Variants in VIRMA observed in about 807,000 individuals in gnomAD.
VIRMA encodes vir like m6A methyltransferase associated.
VIRMA carries 65 observed loss-of-function variants against 182.4 expected under a neutral mutation model. That is an observed-to-expected ratio of 0.36 (90% confidence interval 0.29 to 0.44). VIRMA has a LOEUF of 0.44. Ranked by LOEUF, VIRMA falls within the 20% of genes least tolerant of loss-of-function variation. VIRMA has a pLI of 1.00. For synonymous variants in VIRMA, 709 were observed against 743.1 expected, an observed-to-expected ratio of 0.95 and a Z score of 0.75; for missense variants, 1,752 against 2,158.1, an observed-to-expected ratio of 0.81 and a Z score of 3.73.
At position 94,488,864 on chromosome 8, in the gene VIRMA, T is replaced by TA; in HGVS notation, c.5285-5dup. The TA allele has an allele frequency of 6.2e-7, 1 of 1,610,684 alleles. No homozygotes were observed. Among genetic ancestry groups the TA allele is most frequent in the Admixed American group, 1.7e-5 (1 of 59,248 alleles). ...TCCCGAGGACTTGGGCGGTAACCTG[T>TA]AAAAGAAAGAATACAGTTTTTAGTT... On this transcript the variant is annotated splice_polypyrimidine_tract_variant and splice_region_variant and intron_variant, in intron 23 of 23. Coordinates refer to ENST00000297591, the MANE Select transcript of VIRMA (RefSeq NM_015496.5).
chr8:94,496,105 C>T (rs985161401), intron 18 of VIRMA: 4 of 613,920 alleles, frequency 6.5e-6, no homozygotes, highest in Non-Finnish European at 8.1e-6. Flanking sequence ...ACCCTGCTTC[C>T]AAGGAACAGA....
intron 16 of VIRMA, 51 bp downstream of exon 16, chr8:94,506,449 C>A: frequency 8.4e-7 from 1 of 1,189,276 alleles, no homozygotes. Context: ...GGAGCAGTGA[C>A]AGAATGAAAA....
intron 6 of VIRMA, among the ~76,000 whole-genome samples, chr8:94,529,551 T>G (rs1815087870): frequency 1.3e-5 from 2 of 152,174 alleles, no homozygotes; most frequent in Admixed American, 1.3e-4. Context: ...GTTAAGCCAT[T>G]CCCTTTCTTT....
intron 15 of VIRMA, among the ~76,000 whole-genome samples, chr8:94,509,428 T>C (rs1488989420): frequency 6.7e-6 from 1 of 148,800 alleles, no homozygotes; most frequent in South Asian, 2.1e-4. Flanking sequence ...TGACTTGGTG[T>C]GTAACGTAAT....
At chr8:94,504,504 T>C (rs1295720372) in intron 16 of VIRMA, among the ~76,000 whole-genome samples, 1 of 152,188 alleles carries the variant, frequency 6.6e-6, no homozygotes, top group Non-Finnish European at 1.5e-5. Context: ...TACAGATCAT[T>C]ATAGAGAGTT....
chr8:94,516,784 C>T (rs1814574961), intron 10 of VIRMA, among the ~76,000 whole-genome samples: 1 of 152,110 alleles, frequency 6.6e-6, no homozygotes, highest in South Asian at 2.1e-4. Context: ...AATCTATTCC[C>T]AGAATGGGAA....
chr8:94,511,649 G>C lies in VIRMA; in HGVS notation c.2926C>G (p.Leu976Val). 1 of 1,614,074 alleles carries C rather than the reference G, an allele frequency of 6.2e-7. No homozygotes were observed. The highest frequency in any genetic ancestry group is 8.5e-7 in the Non-Finnish European group (1 of 1,179,954). Residue 976 changes from leucine (L) to valine (V), a missense_variant, in exon 13 of 24, where the codon CTG becomes GTG. Leu to Val is a conservative substitution (Grantham distance 32). This residue lies in a region of VIRMA where 777 missense variants were observed against 920.6 expected (regional missense o/e 0.84). Transcript: ENST00000297591. Reference protein sequence around the residue: ...AEGMDTFIRVLQKLNSILTQP... With the variant: ...AEGMDTFIRVVQKLNSILTQP... ...GTCAGAATACTGTTCAATTTTTGCA[G>C]AACTCGAATAAACGTGTCCATTCCT...
At chr8:94,496,702 C>T (rs1270140080) in intron 17 of VIRMA, 2 of 403,358 alleles carry the variant, frequency 5.0e-6, no homozygotes, top group Non-Finnish European at 8.7e-6. Context: ...ATATATTTTA[C>T]TGGCACCAAG....
chr8:94,502,471 T>C (rs1814023607), intron 16 of VIRMA, among the ~76,000 whole-genome samples: 1 of 151,554 alleles, frequency 6.6e-6, no homozygotes, highest in African/African-American at 2.4e-5. Context: ...TTTAAATAAA[T>C]TAATTTTAAA....
In VIRMA at chr8:94,504,437, C is replaced by T. The variant is rs540909452; in HGVS notation, c.4097+2063G>A. 9.9e-5 allele frequency among the ~76,000 whole-genome samples: 15 copies of T among 152,250 alleles called. No individual in the cohort carries two copies. In the East Asian group the frequency reaches 1.5e-3, roughly 16 times the overall value. ...CCCAGGATATTACCATGTTTTGTTC[C>T]TCACCTCTTTCAGGTCTTCATCTTT... is the stretch of plus-strand genomic sequence containing the variant. On this transcript the variant is annotated intron_variant, in intron 16 of 23. Transcript: ENST00000297591.
chr8:94,511,136 A>C (rs1320541121), intron 13 of VIRMA, 49 bp downstream of exon 13: 5 of 1,562,218 alleles, frequency 3.2e-6, no homozygotes, highest in African/African-American at 1.4e-5. Flanking sequence ...GCTTTTTAAA[A>C]AGTGTTACTG....
At chr8:94,502,310 C>T (rs1814016003) in intron 16 of VIRMA, among the ~76,000 whole-genome samples, 2 of 151,968 alleles carry the variant, frequency 1.3e-5, no homozygotes, top group African/African-American at 2.4e-5. Context: ...TGCACTCCAG[C>T]CTAGGCAACA....
chr8:94,491,085 G>A (rs1448585206), intron 22 of VIRMA, among the ~76,000 whole-genome samples: 3 of 151,122 alleles, frequency 2.0e-5, no homozygotes, highest in African/African-American at 7.4e-5. Context: ...AAGCCAAGGG[G>A]GGTGAATCAC....
intron 16 of VIRMA, among the ~76,000 whole-genome samples, chr8:94,500,166 G>A (rs1024468885): frequency 1.4e-5 from 2 of 147,462 alleles, no homozygotes; most frequent in East Asian, 2.1e-4. Flanking sequence ...TTGGGAGGTC[G>A]AGGCGGGCAG....
At position 94,488,543 on chromosome 8, in the gene VIRMA, T is replaced by C. The variant is rs1813514414; in HGVS notation, c.*163A>G. The C allele has an allele frequency of 5.2e-6, 3 of 574,406 alleles. No homozygotes were observed. Among genetic ancestry groups the C allele is most frequent in the East Asian group, 5.8e-5 (2 of 34,722 alleles). 35.6% of individuals were successfully genotyped at this position (574,406 alleles called of 1,614,324 possible). ...CGTACATACAAAGTTTGGATTTTTA[T>C]TGAAATCTTGTTAGGTATCAAACAA... On this transcript the variant is annotated 3_prime_UTR_variant, in exon 24 of 24. Coordinates refer to ENST00000297591, the MANE Select transcript of VIRMA (RefSeq NM_015496.5).
At chr8:94,549,346 A>T (rs1216155226) in intron 1 of VIRMA, among the ~76,000 whole-genome samples, 1 of 152,220 alleles carries the variant, frequency 6.6e-6, no homozygotes, top group Non-Finnish European at 1.5e-5. Context: ...ATCAAGGGCA[A>T]TGGGCTTTGT....
chr8:94,514,268 G>A (rs1487122157), intron 11 of VIRMA, among the ~76,000 whole-genome samples: 4 of 152,174 alleles, frequency 2.6e-5, no homozygotes. Flanking sequence ...GCTCGACTAA[G>A]GAACAGAGAT....
In VIRMA at chr8:94,529,190, C is replaced by T. The variant is rs373302873; in HGVS notation, c.760G>A (p.Asp254Asn). The change falls in exon 7 of 24, where the codon GAT becomes AAT. Residue 254 changes from aspartate (D) to asparagine (N), a missense_variant. By Grantham distance (23) the Asp-to-Asn change is conservative. Around this residue, in one of 11 missense-constraint regions of VIRMA, gnomAD observed 114 missense variants for 106.9 expected, o/e 1.07. Coordinates refer to ENST00000297591, the MANE Select transcript of VIRMA (RefSeq NM_015496.5). ...QQEEGEEDED[D>N]VDVEEEEDED... ...TCCTCTTCTTCCTCTACATCCACATCATCTTCATCTTCTTCTCCTTCTTCT... is the reference window on the plus strand; with the variant it reads ...TCCTCTTCTTCCTCTACATCCACATTATCTTCATCTTCTTCTCCTTCTTCT... 3 of 1,451,762 alleles carry T rather than the reference C, an allele frequency of 2.1e-6. No individual in the cohort carries two copies. The African/African-American group carries it at 4.2e-5, about 20-fold the overall frequency. The allele number at this position is 1,451,762 out of a possible 1,614,324, so 89.9% of individuals were successfully genotyped here.
At chr8:94,517,401 CCTT>C (rs1814597862) in intron 10 of VIRMA, among the ~76,000 whole-genome samples, 1 of 152,198 alleles carries the variant, frequency 6.6e-6, no homozygotes, top group African/African-American at 2.4e-5. Context: ...TGGAGTTTCA[CCTT>C]GTTGGTCACG....
Sources: allele counts gnomAD v4.1 joint callset (sites outside exome capture counted in the v4.1 genomes callset), GRCh38; gene constraint gnomAD v4.1.1; regional missense constraint gnomAD v4.1.1; transcripts MANE v1.5; gene names NCBI Gene and HGNC (gene_info 2026-07-23, HGNC 2026-07-21).